Variants in LYZL4 observed in about 807,000 individuals in gnomAD.
LYZL4 encodes the protein lysozyme-like protein 4.
LYZL4 carries 13 observed loss-of-function variants against 17.6 expected under a neutral mutation model. The ratio of observed to expected loss-of-function variants is 0.74; its 90% CI spans 0.48 to 1.18. The LOEUF is 1.18. LYZL4 is among the 50% of genes most tolerant of loss of function. The probability of loss-of-function intolerance (pLI) is 0.00; values close to 1 mark genes in which losing one functional copy is unlikely to be tolerated. For missense variants in LYZL4, 174 were observed against 188.2 expected, an observed-to-expected ratio of 0.92 and a Z score of 0.44; for synonymous variants, 64 against 67.7, an observed-to-expected ratio of 0.95 and a Z score of 0.27.
the LYZL4 span, among the ~76,000 whole-genome samples, chr3:42,366,776 G>T: frequency 1.3e-5 from 2 of 152,206 alleles, no homozygotes; most frequent in Non-Finnish European, 2.9e-5. Context: ...GCCAGGCCCT[G>T]CTTTAAGGCC....
chr3:42,403,833 G>A (rs1246960499), intron 4 of LYZL4, among the ~76,000 whole-genome samples: 5 of 151,956 alleles, frequency 3.3e-5, no homozygotes, highest in African/African-American at 4.8e-5. Context: ...AAGATTTGGG[G>A]GAAAAAAAGT....
intron 4 of LYZL4, among the ~76,000 whole-genome samples, chr3:42,397,694 T>G (rs1249887751): frequency 6.6e-6 from 1 of 152,020 alleles, no homozygotes; most frequent in Non-Finnish European, 1.5e-5. Flanking sequence ...TTCCGTGACT[T>G]TCCCAGAGTC....
intron 4 of LYZL4, among the ~76,000 whole-genome samples, chr3:42,398,097 A>G (rs2041376): frequency 0.43 from 65,046 of 151,992 alleles, 15,763 homozygotes; most frequent in African/African-American, 0.67. Flanking sequence ...CTGGCCCCTC[A>G]TAGTTACAGA....
chr3:42,402,459 AG>A (rs1314286157), intron 4 of LYZL4, among the ~76,000 whole-genome samples: 1 of 152,166 alleles, frequency 6.6e-6, no homozygotes, highest in Non-Finnish European at 1.5e-5. Flanking sequence ...AATAAGAAAA[AG>A]ACAGCACAAT....
At chr3:42,367,271 C>A in the LYZL4 span, among the ~76,000 whole-genome samples, 4 of 152,154 alleles carry the variant, frequency 2.6e-5, no homozygotes, top group African/African-American at 9.7e-5. Flanking sequence ...GCAACCTTGT[C>A]CCCAAGGACT....
intron 3 of LYZL4, among the ~76,000 whole-genome samples, chr3:42,405,943 T>A (rs1000481794): frequency 2.6e-5 from 4 of 152,114 alleles, no homozygotes; most frequent in African/African-American, 9.7e-5. Context: ...AGCTGGCAGT[T>A]AACAAGCACA....
the LYZL4 span, among the ~76,000 whole-genome samples, chr3:42,386,862 G>C: frequency 6.6e-6 from 1 of 152,204 alleles, no homozygotes; most frequent in African/African-American, 2.4e-5. Flanking sequence ...TTGAAGGAAT[G>C]AGTAGGAATA....
rs1339773124 is a variant in LYZL4 at position 42,407,198 on chromosome 3, A to C, written c.54T>G (p.Gly18=). ...CTGTGCAACGCCCCAAGATGTAAGC[A>C]CCACTTGGAACCACCAGGTAGCCAA... ...SLLGYLVVPS[G]AYILGRCTVA... is the part of the protein sequence containing the mutation. The change falls in exon 2 of 5, where the codon GGT becomes GGG. Residue 18 remains glycine (G), a synonymous_variant. Coordinates refer to ENST00000287748, the MANE Select transcript of LYZL4 (RefSeq NM_144634.4). The C allele has an allele frequency of 6.2e-7, 1 of 1,614,174 alleles. No individual in the cohort carries two copies. The highest frequency in any genetic ancestry group is 1.1e-5 in the South Asian group (1 of 91,076).
At chr3:42,366,570 A>G in the LYZL4 span, among the ~76,000 whole-genome samples, 1 of 152,124 alleles carries the variant, frequency 6.6e-6, no homozygotes, top group African/African-American at 2.4e-5. Flanking sequence ...CCCTCCAGGC[A>G]GGAATGTCTT....
At chr3:42,383,103 C>A in the LYZL4 span, among the ~76,000 whole-genome samples, 1 of 152,116 alleles carries the variant, frequency 6.6e-6, no homozygotes, top group African/African-American at 2.4e-5. Flanking sequence ...CTGAAGAGGT[C>A]AATGCTGGGG....
chr3:42,393,831 G>A (rs952726223), downstream of LYZL4, among the ~76,000 whole-genome samples: 3 of 152,092 alleles, frequency 2.0e-5, no homozygotes, highest in Non-Finnish European at 4.4e-5. Flanking sequence ...TTGCTCTGTC[G>A]CTCAGGCTGG....
chr3:42,365,468 T>C, the LYZL4 span, among the ~76,000 whole-genome samples: 1 of 152,116 alleles, frequency 6.6e-6, no homozygotes, highest in African/African-American at 2.4e-5. Flanking sequence ...CTAGATCTAC[T>C]CCATGTGCAT....
At chr3:42,402,518 C>T (rs1157891942) in intron 4 of LYZL4, among the ~76,000 whole-genome samples, 1 of 152,068 alleles carries the variant, frequency 6.6e-6, no homozygotes, top group Non-Finnish European at 1.5e-5. Context: ...AAAGGGGATA[C>T]ATAAATGGCC....
At chr3:42,375,386 C>G in the LYZL4 span, among the ~76,000 whole-genome samples, 3 of 152,218 alleles carry the variant, frequency 2.0e-5, no homozygotes, top group Non-Finnish European at 4.4e-5. Context: ...TACCTAAAGA[C>G]AGTCAAAAGT....
At chr3:42,404,174 G>T in intron 3 of LYZL4, 50 bp from the exon 4 acceptor site, 1 of 1,267,970 alleles carries the variant, frequency 7.9e-7, no homozygotes, top group Non-Finnish European at 1.2e-6. Context: ...TGACAGTTAA[G>T]TTAGAGTGAT....
chr3:42,399,059 C>T (rs1322386453), intron 4 of LYZL4, among the ~76,000 whole-genome samples: 1 of 152,178 alleles, frequency 6.6e-6, no homozygotes, highest in Non-Finnish European at 1.5e-5. Context: ...AAACAGTTCA[C>T]AGAAAAATAG....
rs775800770 is a variant in LYZL4, at chr3:42,404,043, T to C, written c.371+3A>G. 2 of 1,594,578 alleles carry C rather than the reference T, an allele frequency of 1.3e-6. No individual in the cohort carries two copies. The highest frequency in any genetic ancestry group is 2.2e-5 in the South Asian group (2 of 90,344). On this transcript the variant is annotated splice_donor_region_variant and intron_variant, in intron 4 of 4. Coordinates refer to ENST00000287748, the MANE Select transcript of LYZL4 (RefSeq NM_144634.4). The stretch of plus-strand genomic sequence containing the variant: ...ACAGGCTACATAAAAATGTAAGACT[T>C]ACCATGCTCCCATCCCTTCTTTTCC...
the LYZL4 span, among the ~76,000 whole-genome samples, chr3:42,377,913 G>A: frequency 6.6e-6 from 1 of 152,284 alleles, no homozygotes; most frequent in Middle Eastern, 3.4e-3. Context: ...CCTTTCTGGT[G>A]CACTGACATT....
downstream of LYZL4, among the ~76,000 whole-genome samples, chr3:42,395,051 T>A (rs1163227798): frequency 6.6e-6 from 1 of 152,206 alleles, no homozygotes; most frequent in East Asian, 1.9e-4. Flanking sequence ...ACTGTATGAT[T>A]CATGCTGTGT....
Sources: allele counts gnomAD v4.1 joint callset (sites outside exome capture counted in the v4.1 genomes callset), GRCh38; gene constraint gnomAD v4.1.1; transcripts MANE v1.5; gene names NCBI Gene and HGNC (gene_info 2026-07-23, HGNC 2026-07-21).